The following GALNTL6 variants were observed in gnomAD, a reference collection of about 807,000 sequenced individuals.
GALNTL6 encodes polypeptide N-acetylgalactosaminyltransferase-like 6.
A neutral mutation model predicts 73.7 loss-of-function variants in GALNTL6; 46 were observed. The ratio of observed to expected loss-of-function variants is 0.62; its 90% confidence interval spans 0.49 to 0.80. The LOEUF is 0.80. GALNTL6 is among the 30% of genes least tolerant of loss of function. GALNTL6 has a pLI of 0.00. For synonymous variants in GALNTL6, 259 were observed against 263.7 expected (o/e 0.98, Z 0.17); for missense variants, 604 against 755.0 (o/e 0.80, Z 2.34).
intron 3 of GALNTL6, among the ~76,000 whole-genome samples, chr4:172,277,921 C>T (rs1328819307): frequency 3.3e-5 from 5 of 152,078 alleles, no homozygotes. Flanking sequence ...ATAATTAAAA[C>T]ACAAAGAAGA....
intron 5 of GALNTL6, among the ~76,000 whole-genome samples, chr4:172,643,464 A>G (rs1740082960): frequency 6.6e-6 from 1 of 151,992 alleles, no homozygotes; most frequent in South Asian, 2.1e-4. Flanking sequence ...TTGGTGAATT[A>G]TCACAAAGTG....
rs1298908650 is a variant in GALNTL6 at position 173,041,425 on chromosome 4, G to A, written c.*1325G>A. On this transcript the variant is annotated 3_prime_UTR_variant, in exon 13 of 13. Transcript: ENST00000506823. ...TGGGGGAAGAAAACACAGGTATCAA[G>A]GTGGTTCTTGGGAAAAAAGAATCAT... 1.3e-5 allele frequency: 2 copies of A among 152,056 alleles called. No individual in the cohort carries two copies. The highest frequency in any genetic ancestry group is 4.8e-5 in the African/African-American group (2 of 41,422). The allele number at this position is 152,056 out of a possible 1,614,324, so 9.4% of individuals were successfully genotyped here.
chr4:172,373,377 C>T (rs1742897750), intron 5 of GALNTL6, among the ~76,000 whole-genome samples: 1 of 151,742 alleles, frequency 6.6e-6, no homozygotes, highest in South Asian at 2.1e-4. Context: ...GAGTTACTGC[C>T]TCATTGGTGA....
intron 2 of GALNTL6, among the ~76,000 whole-genome samples, chr4:172,132,300 A>T (rs942699794): frequency 6.6e-6 from 1 of 152,124 alleles, no homozygotes; most frequent in Non-Finnish European, 1.5e-5. Context: ...GAAAACACCC[A>T]ATTTAATAAT....
chr4:171,890,625 A>G (rs959651587), intron 2 of GALNTL6, among the ~76,000 whole-genome samples: 1 of 152,170 alleles, frequency 6.6e-6, no homozygotes, highest in African/African-American at 2.4e-5. Flanking sequence ...TTTTATTGCA[A>G]TAAGCATTAT....
intron 5 of GALNTL6, among the ~76,000 whole-genome samples, chr4:172,428,546 G>T (rs1201752194): frequency 6.6e-6 from 1 of 152,190 alleles, no homozygotes. Context: ...AGGGCAAGCA[G>T]AGGCTAATAG....
chr4:172,198,285 A>T (rs779077265), intron 2 of GALNTL6, among the ~76,000 whole-genome samples: 12 of 152,108 alleles, frequency 7.9e-5, no homozygotes, highest in Non-Finnish European at 4.4e-5. Flanking sequence ...ACATCAAAAA[A>T]AAAAATAAAA....
intron 2 of GALNTL6, among the ~76,000 whole-genome samples, chr4:171,954,711 T>A (rs1738990267): frequency 6.6e-6 from 1 of 152,192 alleles, no homozygotes; most frequent in African/African-American, 2.4e-5. Context: ...CCCAAATCTC[T>A]TGTCGAATTG....
intron 5 of GALNTL6, among the ~76,000 whole-genome samples, chr4:172,805,988 GA>G (rs1395234329): frequency 6.6e-6 from 1 of 151,990 alleles, no homozygotes; most frequent in African/African-American, 2.4e-5. Context: ...TTTAAAATAA[GA>G]AAAAGAGAAA....
At chr4:172,609,625 C>CTCTCTGTGTGTA (rs753051714) in intron 5 of GALNTL6, among the ~76,000 whole-genome samples, 2 of 92,778 alleles carry the variant, frequency 2.2e-5, no homozygotes, top group Admixed American at 1.3e-4. Flanking sequence ...CTCTCTCTCT[C>CTCTCTGTGTGTA]TGTGTGTGTG....
At chr4:172,229,945 A>G (rs1423306623) in intron 3 of GALNTL6, among the ~76,000 whole-genome samples, 181 bp downstream of exon 3, 1 of 152,212 alleles carries the variant, frequency 6.6e-6, no homozygotes, top group Non-Finnish European at 1.5e-5. Context: ...ACAAATAATG[A>G]ATAGTCTTTC....
intron 5 of GALNTL6, among the ~76,000 whole-genome samples, chr4:172,542,645 C>T (rs912818400): frequency 6.6e-6 from 1 of 152,140 alleles, no homozygotes; most frequent in Non-Finnish European, 1.5e-5. Context: ...GCATTTCAGA[C>T]CTCCCTGCCT....
intron 10 of GALNTL6, among the ~76,000 whole-genome samples, chr4:173,005,519 T>C (rs1752237867): frequency 3.7e-5 from 1 of 26,896 alleles, no homozygotes; most frequent in Non-Finnish European, 8.9e-5. Context: ...AGTGTTCTTG[T>C]CTACATTTAA....
At position 172,834,643 on chromosome 4, in the gene GALNTL6, C is replaced by T. The variant is rs114780238; in HGVS notation, c.923+20920C>T. On this transcript the variant is annotated intron_variant, in intron 7 of 12. Coordinates refer to ENST00000506823, the MANE Select transcript of GALNTL6 (RefSeq NM_001034845.3). ...AGACATCAATCATGTCAGGGTGGCC[C>T]CTGACAAATGCACCCTTGGAGAGGG... 3.4e-3 allele frequency among the ~76,000 whole-genome samples: 513 copies of T among 152,266 alleles called. 6 individuals are homozygous for T. The highest frequency in any genetic ancestry group is 0.012 in the African/African-American group (489 of 41,558).
intron 5 of GALNTL6, among the ~76,000 whole-genome samples, chr4:172,420,332 A>G (rs540509639): frequency 6.6e-6 from 1 of 152,162 alleles, no homozygotes; most frequent in Non-Finnish European, 1.5e-5. Flanking sequence ...ATATTGTGCA[A>G]CTCCATAAAA....
At chr4:172,361,431 A>G (rs1013844879) in intron 5 of GALNTL6, among the ~76,000 whole-genome samples, 3 of 152,108 alleles carry the variant, frequency 2.0e-5, no homozygotes, top group Non-Finnish European at 4.4e-5. Context: ...CTGAAGGCCA[A>G]TGTACATAGC....
chr4:171,892,745 G>A (rs1736797408), intron 2 of GALNTL6, among the ~76,000 whole-genome samples: 1 of 151,946 alleles, frequency 6.6e-6, no homozygotes. Context: ...AAAAAAATTT[G>A]TATAGACGAG....
intron 2 of GALNTL6, among the ~76,000 whole-genome samples, chr4:171,965,855 G>A (rs1004774685): frequency 6.6e-5 from 10 of 152,068 alleles, no homozygotes; most frequent in East Asian, 3.9e-4. Flanking sequence ...TTACCCTTTC[G>A]TTTACTTTCA....
At chr4:172,907,349 T>G (rs1158219615) in intron 8 of GALNTL6, among the ~76,000 whole-genome samples, 1 of 152,148 alleles carries the variant, frequency 6.6e-6, no homozygotes, top group African/African-American at 2.4e-5. Flanking sequence ...ATACTCATAC[T>G]GAAAAATGGT....
Sources: allele counts gnomAD v4.1 joint callset (sites outside exome capture counted in the v4.1 genomes callset), GRCh38; gene constraint gnomAD v4.1.1; transcripts MANE v1.5; gene names NCBI Gene and HGNC (gene_info 2026-07-23, HGNC 2026-07-21).